Variants in RNGTT observed in about 807,000 individuals in gnomAD.
The protein encoded by RNGTT is RNA guanylyltransferase and 5'-phosphatase.
A neutral mutation model predicts 79.3 loss-of-function variants in RNGTT; 33 were observed. The observed-to-expected ratio is 0.42, with a 90% CI of 0.32 to 0.56. The LOEUF is 0.56. Among genes scored for constraint, RNGTT ranks in the 20% least tolerant of loss-of-function variants. The pLI is 0.17. For missense variants in RNGTT, 497 were observed against 739.1 expected (o/e 0.67, Z 3.80); for synonymous variants, 222 against 235.9 (o/e 0.94, Z 0.54).
chr6:88,798,188 G>A (rs1046891258), intron 12 of RNGTT, among the ~76,000 whole-genome samples: 6 of 151,950 alleles, frequency 3.9e-5, no homozygotes, highest in African/African-American at 1.5e-4. Context: ...AAATTGGCCG[G>A]GTACAGTGGC....
intron 13 of RNGTT, among the ~76,000 whole-genome samples, chr6:88,712,635 T>C (rs1272182127): frequency 2.0e-5 from 3 of 152,196 alleles, no homozygotes; most frequent in Non-Finnish European, 2.9e-5. Context: ...ATTATAGGCA[T>C]TGCTAATCTT....
At chr6:88,897,822 T>C (rs1001057723) in intron 6 of RNGTT, among the ~76,000 whole-genome samples, 4 of 152,184 alleles carry the variant, frequency 2.6e-5, no homozygotes, top group African/African-American at 9.7e-5. Context: ...TCCTGGAATT[T>C]TGCTACATGC....
chr6:88,852,735 T>C lies in RNGTT; in HGVS notation c.1032+894A>G, dbSNP rs1781713886. On this transcript the variant is annotated intron_variant, in intron 9 of 15. Transcript: ENST00000369485. The stretch of plus-strand genomic sequence containing the variant: ...CTCAAACTTGCCTAATTACAATCAC[T>C]TGGTCACTTGTACGGACATGTAGGC... Among the ~76,000 whole-genome samples the C allele has an allele frequency of 3.3e-5, 5 of 152,296 alleles. 1 individual carries two copies. The South Asian group carries it at 1.0e-3, about 32-fold the overall frequency.
At chr6:88,832,629 T>C (rs766688561) in intron 11 of RNGTT, among the ~76,000 whole-genome samples, 19 of 152,182 alleles carry the variant, frequency 1.2e-4, no homozygotes, top group Non-Finnish European at 2.6e-4. Context: ...AAAGAAATTA[T>C]CATCAGAATG....
intron 4 of RNGTT, among the ~76,000 whole-genome samples, chr6:88,915,611 AATAG>A (rs1007680133): frequency 6.6e-6 from 1 of 152,176 alleles, no homozygotes; most frequent in African/African-American, 2.4e-5. Flanking sequence ...TGGGGACTCC[AATAG>A]GAGGAAGAGA....
intron 13 of RNGTT, among the ~76,000 whole-genome samples, chr6:88,724,890 A>T (rs1326053828): frequency 2.0e-5 from 3 of 151,974 alleles, no homozygotes; most frequent in Non-Finnish European, 4.4e-5. Flanking sequence ...AATCAGAATC[A>T]CTTTAGCCTG....
chr6:88,954,516 A>G (rs1785362271), intron 1 of RNGTT, among the ~76,000 whole-genome samples: 1 of 152,200 alleles, frequency 6.6e-6, no homozygotes. Flanking sequence ...GAAATGAAAT[A>G]CACAGCAACA....
At chr6:88,681,661 C>G (rs1775100059) in intron 13 of RNGTT, among the ~76,000 whole-genome samples, 1 of 152,204 alleles carries the variant, frequency 6.6e-6, no homozygotes, top group South Asian at 2.1e-4. Flanking sequence ...TACAATATAG[C>G]AATCACACAT....
chr6:88,702,424 A>T (rs1290626947), intron 13 of RNGTT, among the ~76,000 whole-genome samples: 2 of 152,178 alleles, frequency 1.3e-5, no homozygotes, highest in Admixed American at 1.3e-4. Flanking sequence ...CAGCCATCTA[A>T]TCTTTGACAA....
chr6:88,633,637 T>G (rs930413737), intron 14 of RNGTT, among the ~76,000 whole-genome samples: 1 of 152,202 alleles, frequency 6.6e-6, no homozygotes, highest in Admixed American at 6.5e-5. Flanking sequence ...TGTTTTTTTT[T>G]AACATTTAAA....
intron 6 of RNGTT, among the ~76,000 whole-genome samples, chr6:88,893,610 A>T (rs1783125118): frequency 6.6e-6 from 1 of 152,202 alleles, no homozygotes; most frequent in Non-Finnish European, 1.5e-5. Context: ...TTTTAATTTA[A>T]CAGAGCCAAT....
chr6:88,922,424 G>T (rs1784191544), intron 4 of RNGTT, among the ~76,000 whole-genome samples: 9 of 151,958 alleles, frequency 5.9e-5, no homozygotes. Context: ...AGGACTCTGG[G>T]TTTCATATGA....
chr6:88,836,400 G>T (rs776349102), intron 11 of RNGTT, among the ~76,000 whole-genome samples: 2 of 151,910 alleles, frequency 1.3e-5, no homozygotes, highest in Non-Finnish European at 2.9e-5. Flanking sequence ...TGGGAAAGAT[G>T]AAAAAATAAA....
chr6:88,697,975 T>TATATATGATATATATATGAAATAC lies in RNGTT; in HGVS notation c.1440-19580_1440-19557dup, dbSNP rs1562201500. On this transcript the variant is annotated intron_variant, in intron 13 of 15. Coordinates refer to ENST00000369485, the MANE Select transcript of RNGTT (RefSeq NM_003800.5). ...ATATGATATATATATATGAAATACA[T>TATATATGATATATATATGAAATAC]ATATATGATATATATATGAAATACA... 2.1e-3 allele frequency among the ~76,000 whole-genome samples: 223 copies of TATATATGATATATATATGAAATAC among 104,966 alleles called. 44 individuals carry two copies. Among genetic ancestry groups the TATATATGATATATATATGAAATAC allele is most frequent in the Non-Finnish European group, 2.5e-3 (148 of 60,224 alleles). 68.9% of individuals were successfully genotyped at this position (104,966 alleles called of 152,430 possible). A position where few individuals can be genotyped will look rare whatever the true frequency, so the allele number is the denominator to read the frequency against.
intron 13 of RNGTT, among the ~76,000 whole-genome samples, chr6:88,756,778 C>G (rs1187102950): frequency 6.6e-6 from 1 of 152,002 alleles, no homozygotes; most frequent in Non-Finnish European, 1.5e-5. Flanking sequence ...CAGGAAAACT[C>G]AAAAAACATG....
At chr6:88,777,107 CT>C (rs1377659879) in intron 12 of RNGTT, among the ~76,000 whole-genome samples, 1 of 152,118 alleles carries the variant, frequency 6.6e-6, no homozygotes, top group East Asian at 1.9e-4. Flanking sequence ...AAAAGATTAT[CT>C]TCTCCCCATT....
intron 12 of RNGTT, among the ~76,000 whole-genome samples, chr6:88,775,304 G>A (rs1471193245): frequency 6.6e-6 from 1 of 152,114 alleles, no homozygotes; most frequent in Non-Finnish European, 1.5e-5. Context: ...ATATTATTAA[G>A]TACAGTCATT....
Position 88,847,930 on chromosome 6 carries a change from G to A in RNGTT, c.1104+1825C>T, listed in dbSNP as rs180857880. On this transcript the variant is annotated intron_variant, in intron 10 of 15. Transcript: ENST00000369485. ...CCAAATAGAACAAACTTGCAATTAA[G>A]TTACAAAAGAAAAATACAAACAAAT... is the stretch of plus-strand genomic sequence containing the variant. Among the ~76,000 whole-genome samples the A allele has an allele frequency of 3.6e-3, 540 of 151,500 alleles. 9 individuals carry two copies. The highest frequency in any genetic ancestry group is 0.013 in the African/African-American group (522 of 41,342).
intron 12 of RNGTT, among the ~76,000 whole-genome samples, chr6:88,784,069 G>C (rs115816738): frequency 0.013 from 2,004 of 152,224 alleles, 43 homozygotes; most frequent in African/African-American, 0.046. Flanking sequence ...TATAATAGCT[G>C]AGAAAATGAA....
Sources: gnomAD v4.1 joint callset for allele counts (sites outside exome capture counted in the v4.1 genomes callset) on GRCh38, gnomAD v4.1.1 for gene constraint, MANE v1.5 for transcripts, NCBI Gene and HGNC (gene_info 2026-07-23, HGNC 2026-07-21) for gene names.